OPCML: variants seen among roughly 807,000 people sequenced by gnomAD.
OPCML encodes opioid-binding protein/cell adhesion molecule.
OPCML carries 13 observed loss-of-function variants against 37.8 expected under a neutral mutation model. The ratio of observed to expected loss-of-function variants is 0.34; its 90% CI spans 0.22 to 0.55. The LOEUF is 0.55. Ranked by LOEUF, OPCML falls within the 20% of genes least tolerant of loss-of-function variation. The pLI is 0.91. For synonymous variants in OPCML, 176 were observed against 168.8 expected (o/e 1.04, Z -0.33); for missense variants, 341 against 435.6 (o/e 0.78, Z 1.93).
intron 1 of OPCML, chr11:133,422,135 A>T: frequency 1.1e-6 from 1 of 939,416 alleles, no homozygotes; most frequent in Non-Finnish European, 1.3e-6. Context: ...ACCCCCTGGC[A>T]GGCCCCGATG....
chr11:133,054,146 C>G (rs931614308), intron 1 of OPCML, among the ~76,000 whole-genome samples: 17 of 152,164 alleles, frequency 1.1e-4, no homozygotes, highest in African/African-American at 4.1e-4. Flanking sequence ...CCACCTTTCC[C>G]ACCTGAGTCC....
At chr11:133,304,404 A>G (rs1012459002) in intron 1 of OPCML, among the ~76,000 whole-genome samples, 1 of 152,230 alleles carries the variant, frequency 6.6e-6, no homozygotes, top group South Asian at 2.1e-4. Flanking sequence ...AGCAGACACT[A>G]TGCTAAGCAC....
intron 2 of OPCML, among the ~76,000 whole-genome samples, chr11:132,686,211 A>G (rs953283316): frequency 4.1e-4 from 63 of 152,216 alleles, no homozygotes; most frequent in African/African-American, 1.5e-3. Flanking sequence ...ATTCTAACTC[A>G]GACTGTGCAA....
At chr11:133,486,542 TG>T (rs1438756012) in intron 1 of OPCML, among the ~76,000 whole-genome samples, 1 of 152,182 alleles carries the variant, frequency 6.6e-6, no homozygotes, top group African/African-American at 2.4e-5. Flanking sequence ...CCTCCTCTGC[TG>T]AGTCTTCCTT....
At chr11:133,438,161 A>C (rs1412346551) in intron 1 of OPCML, among the ~76,000 whole-genome samples, 1 of 152,206 alleles carries the variant, frequency 6.6e-6, no homozygotes, top group Non-Finnish European at 1.5e-5. Context: ...TCAACCATGG[A>C]GTCTGCCAGA....
chr11:132,681,089 A>G (rs930761806), intron 2 of OPCML, among the ~76,000 whole-genome samples: 4 of 152,160 alleles, frequency 2.6e-5, no homozygotes, highest in Admixed American at 6.5e-5. Context: ...GTGAGGCCAC[A>G]TGGTTGTCCC....
At chr11:133,392,000 G>A (rs1268546331) in intron 1 of OPCML, among the ~76,000 whole-genome samples, 1 of 152,076 alleles carries the variant, frequency 6.6e-6, no homozygotes, top group Non-Finnish European at 1.5e-5. Context: ...AATCACTGAT[G>A]TATATAGGAA....
rs2095950293 is a variant in OPCML at position 132,419,571 on chromosome 11, G to A, written c.*622C>T. 1 of 152,166 alleles carries A rather than the reference G, an allele frequency of 6.6e-6. No individual in the cohort carries two copies. The highest frequency in any genetic ancestry group is 6.6e-5 in the Admixed American group (1 of 15,264). The allele number at this position is 152,166 out of a possible 1,614,324, so 9.4% of individuals were successfully genotyped here. The stretch of plus-strand genomic sequence containing the variant: ...CTTCAAATCTCTGCAGATGGTGGAA[G>A]GAATGAGTAGAGCGGAGGGGCTACA... On this transcript the variant is annotated 3_prime_UTR_variant, in exon 8 of 8. Coordinates refer to ENST00000524381, the MANE Select transcript of OPCML (RefSeq NM_001012393.5).
intron 3 of OPCML, among the ~76,000 whole-genome samples, chr11:132,563,809 C>CA (rs1200814655): frequency 3.7e-5 from 3 of 81,804 alleles, no homozygotes; most frequent in South Asian, 8.8e-4. Context: ...ACAACAACAA[C>CA]AAAAAAACAG....
At chr11:133,143,889 T>C (rs181564033) in intron 1 of OPCML, among the ~76,000 whole-genome samples, 3 of 152,360 alleles carry the variant, frequency 2.0e-5, no homozygotes, top group Non-Finnish European at 4.4e-5. Flanking sequence ...TTGCTCTTTC[T>C]AAGAGGCAGG....
chr11:132,708,452 A>T (rs1784524), intron 2 of OPCML, among the ~76,000 whole-genome samples: 109,332 of 152,062 alleles, frequency 0.72, 39,505 homozygotes, highest in Non-Finnish European at 0.75. Context: ...ATATGTGGAG[A>T]TCTTTCTAGT....
chr11:132,951,247 T>A (rs12789836), intron 1 of OPCML, among the ~76,000 whole-genome samples: 1 of 152,118 alleles, frequency 6.6e-6, no homozygotes, highest in African/African-American at 2.4e-5. Context: ...AACAAAATAC[T>A]GCAGACTAGG....
intron 3 of OPCML, among the ~76,000 whole-genome samples, chr11:132,582,738 T>G (rs1398727628): frequency 6.6e-6 from 1 of 152,164 alleles, no homozygotes; most frequent in African/African-American, 2.4e-5. Context: ...TTTAAGCCAC[T>G]TAATTTCAAA....
chr11:133,269,644 G>C (rs1400192428), intron 1 of OPCML, among the ~76,000 whole-genome samples: 1 of 152,162 alleles, frequency 6.6e-6, no homozygotes, highest in African/African-American at 2.4e-5. Context: ...TCAGGCAATG[G>C]TAAAAACTAA....
chr11:132,934,584 C>G (rs567285769), intron 2 of OPCML, among the ~76,000 whole-genome samples: 52 of 152,290 alleles, frequency 3.4e-4, no homozygotes, highest in African/African-American at 8.9e-4. Context: ...TTTTCTCTAC[C>G]TCTGACTATT....
At chr11:133,223,725 T>C (rs1396375999) in intron 1 of OPCML, among the ~76,000 whole-genome samples, 1 of 152,208 alleles carries the variant, frequency 6.6e-6, no homozygotes, top group African/African-American at 2.4e-5. Flanking sequence ...TTTTGTTTGT[T>C]TTGTTTCGTT....
intron 1 of OPCML, among the ~76,000 whole-genome samples, chr11:133,475,164 T>C (rs1306303200): frequency 6.6e-6 from 1 of 152,306 alleles, no homozygotes; most frequent in East Asian, 1.9e-4. Flanking sequence ...CAGAAATGTT[T>C]GTTTTTTATT....
At chr11:132,654,174 C>A (rs961999521) in intron 3 of OPCML, among the ~76,000 whole-genome samples, 2 of 152,148 alleles carry the variant, frequency 1.3e-5, no homozygotes, top group African/African-American at 4.8e-5. Context: ...CTACATCCAC[C>A]CTCTGGTAAT....
At chr11:132,504,790 T>C (rs2096252929) in intron 4 of OPCML, among the ~76,000 whole-genome samples, 1 of 152,044 alleles carries the variant, frequency 6.6e-6, no homozygotes, top group Admixed American at 6.6e-5. Context: ...ATTGTGTGGC[T>C]GTATGCTATG....
Sources: gnomAD v4.1 joint callset for allele counts (sites outside exome capture counted in the v4.1 genomes callset) on GRCh38, gnomAD v4.1.1 for gene constraint, MANE v1.5 for transcripts, NCBI Gene and HGNC (gene_info 2026-07-23, HGNC 2026-07-21) for gene names.